TNRC6B: variants seen among roughly 807,000 people sequenced by gnomAD.
The protein encoded by TNRC6B is trinucleotide repeat containing adaptor 6B.
TNRC6B carries 52 observed loss-of-function variants against 203.6 expected under a neutral mutation model. That is an observed-to-expected ratio of 0.26 (90% CI 0.20 to 0.32). The LOEUF (loss-of-function observed/expected upper bound fraction) is 0.32, where lower values mean the gene tolerates loss of function less well. TNRC6B is among the 10% of genes least tolerant of loss of function. The probability of loss-of-function intolerance (pLI) is 1.00; values close to 1 mark genes in which losing one functional copy is unlikely to be tolerated. For synonymous variants in TNRC6B, 838 were observed against 845.7 expected (o/e 0.99, Z 0.16); for missense variants, 1,923 against 2,286.2 (o/e 0.84, Z 3.24).
intron 1 of TNRC6B, among the ~76,000 whole-genome samples, chr22:40,091,724 G>A (rs2068152324): frequency 6.6e-6 from 1 of 152,222 alleles, no homozygotes; most frequent in African/African-American, 2.4e-5. Context: ...AGGTGAAAGA[G>A]TGTTGGCCGG....
At chr22:40,317,178 A>T (rs2071271475) in intron 21 of TNRC6B, among the ~76,000 whole-genome samples, 1 of 152,182 alleles carries the variant, frequency 6.6e-6, no homozygotes, top group Admixed American at 6.5e-5. Flanking sequence ...TAGTTACAAA[A>T]CCTCAGTATT....
At chr22:40,275,901 G>A (rs2070635651) in intron 7 of TNRC6B, among the ~76,000 whole-genome samples, 1 of 151,856 alleles carries the variant, frequency 6.6e-6, no homozygotes, top group Non-Finnish European at 1.5e-5. Flanking sequence ...AGAGGTTGCA[G>A]TGAGCCGAGA....
intron 4 of TNRC6B, among the ~76,000 whole-genome samples, chr22:40,165,344 T>C (rs2068909993): frequency 6.6e-6 from 1 of 151,894 alleles, no homozygotes; most frequent in South Asian, 2.1e-4. Context: ...GCCTGGCTAA[T>C]TTTTTTGTTT....
intron 1 of TNRC6B, among the ~76,000 whole-genome samples, chr22:40,113,699 T>A (rs868823912): frequency 6.6e-6 from 1 of 152,196 alleles, no homozygotes; most frequent in Non-Finnish European, 1.5e-5. Flanking sequence ...CTTAATTAAC[T>A]AGATATCTTC....
Position 40,334,723 on chromosome 22 carries a change from G to C in TNRC6B, c.*11482G>C, listed in dbSNP as rs1303620008. On this transcript the variant is annotated 3_prime_UTR_variant, in exon 23 of 23. Transcript: ENST00000454349. ...ACAGAGACGCAGGAGGACCTGGGGGGCGTAGCAGAGGAGGATAGGTAGAGA... is the reference window on the plus strand; with the variant it reads ...ACAGAGACGCAGGAGGACCTGGGGGCCGTAGCAGAGGAGGATAGGTAGAGA... 6.6e-6 allele frequency: 1 copy of C among 152,554 alleles called. No homozygotes were observed. Among genetic ancestry groups the C allele is most frequent in the Non-Finnish European group, 1.5e-5 (1 of 68,040 alleles). The allele number at this position is 152,554 out of a possible 1,614,324, so 9.5% of individuals were successfully genotyped here.
chr22:40,112,060 A>T (rs918226593), intron 1 of TNRC6B, among the ~76,000 whole-genome samples: 3 of 152,196 alleles, frequency 2.0e-5, no homozygotes, highest in Non-Finnish European at 4.4e-5. Context: ...AGATCGCGCC[A>T]CTGCACTCCA....
chr22:40,047,711 T>G (rs1318507127), intron 1 of TNRC6B, among the ~76,000 whole-genome samples: 4 of 152,224 alleles, frequency 2.6e-5, no homozygotes, highest in Admixed American at 2.6e-4. Flanking sequence ...TTATAAAGAT[T>G]GTAAAAATAC....
At position 40,134,653 on chromosome 22, in the gene TNRC6B, A is replaced by G. The variant is rs9623137; in HGVS notation, c.45+8791A>G. Among the ~76,000 whole-genome samples, 1,252 of 152,306 alleles carry G rather than the reference A, an allele frequency of 8.2e-3. 10 individuals carry two copies. Among genetic ancestry groups the G allele is most frequent in the African/African-American group, 0.029 (1,190 of 41,554 alleles). On this transcript the variant is annotated intron_variant, in intron 3 of 23. Transcript: ENST00000301923. ...TGGGTGCAGCAAACCACCATGGCAC[A>G]TGTATACCTATGTAACAAACCTGCA... is the stretch of plus-strand genomic sequence containing the variant.
chr22:40,224,856 G>C (rs1428382427), intron 1 of TNRC6B, among the ~76,000 whole-genome samples: 1 of 152,206 alleles, frequency 6.6e-6, no homozygotes, highest in Admixed American at 6.5e-5. Context: ...CGGGCGCCGT[G>C]TGCCTCATCC....
At chr22:40,313,884 C>T (rs1466856670) in intron 19 of TNRC6B, among the ~76,000 whole-genome samples, 1 of 152,102 alleles carries the variant, frequency 6.6e-6, no homozygotes, top group Non-Finnish European at 1.5e-5. Flanking sequence ...TGTTGTTACC[C>T]CTATTTTGTG....
At chr22:40,172,122 C>T (rs1022813978) in intron 4 of TNRC6B, among the ~76,000 whole-genome samples, 8 of 152,088 alleles carry the variant, frequency 5.3e-5, no homozygotes, top group Non-Finnish European at 1.0e-4. Context: ...TCAAGAGATC[C>T]GCCTGCCTTA....
chr22:40,299,169 A>AC (rs2070988675), intron 12 of TNRC6B, among the ~76,000 whole-genome samples: 1 of 151,614 alleles, frequency 6.6e-6, no homozygotes, highest in Non-Finnish European at 1.5e-5. Flanking sequence ...AAAAAAAAAA[A>AC]AAAAACAAAA....
At chr22:40,257,545 C>T (rs200214788) in intron 3 of TNRC6B, among the ~76,000 whole-genome samples, 6 of 151,892 alleles carry the variant, frequency 4.0e-5, no homozygotes, top group South Asian at 4.2e-4. Context: ...GGTGAAACCC[C>T]GTCTCTACTA....
chr22:40,239,463 A>C (rs979305573), intron 1 of TNRC6B, among the ~76,000 whole-genome samples: 22 of 152,300 alleles, frequency 1.4e-4, no homozygotes, highest in African/African-American at 4.8e-4. Context: ...CTGCAGAAGA[A>C]GGCAAGTTTC....
chr22:40,075,863 T>C (rs1331595193), intron 1 of TNRC6B, among the ~76,000 whole-genome samples: 1 of 152,226 alleles, frequency 6.6e-6, no homozygotes, highest in Non-Finnish European at 1.5e-5. Flanking sequence ...ATTTATAGTG[T>C]AAAAACTTCA....
chr22:40,301,546 C>T, intron 15 of TNRC6B: 1 of 557,534 alleles, frequency 1.8e-6, no homozygotes, highest in Non-Finnish European at 3.1e-6. Context: ...CAGAGCCAGG[C>T]CTCTAACTTC....
At chr22:40,281,416 A>T in intron 11 of TNRC6B, 127 bp downstream of exon 11, 1 of 734,196 alleles carries the variant, frequency 1.4e-6, no homozygotes, top group Non-Finnish European at 2.0e-6. Flanking sequence ...AATGATATTA[A>T]GTGTAGGTTC....
chr22:40,237,186 A>G (rs911749388), intron 1 of TNRC6B, among the ~76,000 whole-genome samples: 6 of 152,162 alleles, frequency 3.9e-5, no homozygotes, highest in African/African-American at 1.4e-4. Context: ...TCTAACCTGG[A>G]TTATCACAAG....
chr22:40,326,350 A>G lies in TNRC6B; in HGVS notation c.*3109A>G, dbSNP rs2071401984. On this transcript the variant is annotated 3_prime_UTR_variant, in exon 23 of 23. Transcript: ENST00000454349. ...AGAAAAGTCTCCAAACATTATTGTC[A>G]TACTGGGGATCACACATTTTAAAAC... 6.6e-6 allele frequency: 1 copy of G among 152,644 alleles called. No individual in the cohort carries two copies. 9.5% of individuals were successfully genotyped at this position (152,644 alleles called of 1,614,324 possible). A position where few individuals can be genotyped will look rare whatever the true frequency, so the allele number is the denominator to read the frequency against.
Sources: allele counts gnomAD v4.1 joint callset (sites outside exome capture counted in the v4.1 genomes callset), GRCh38; gene constraint gnomAD v4.1.1; transcripts MANE v1.5; gene names NCBI Gene and HGNC (gene_info 2026-07-23, HGNC 2026-07-21).